The following ZNF500 variants were observed in gnomAD, a reference collection of about 807,000 sequenced individuals.
ZNF500 encodes the protein zinc finger protein 500.
A neutral mutation model predicts 30.1 loss-of-function variants in ZNF500; 31 were observed. That is an observed-to-expected ratio of 1.03 (90% confidence interval 0.77 to 1.39). The LOEUF (loss-of-function observed/expected upper bound fraction) is 1.39, where lower values mean the gene tolerates loss of function less well. Ranked by LOEUF, ZNF500 falls within the 40% of genes most tolerant of loss-of-function variation. The pLI is 0.00. For missense variants in ZNF500, 817 were observed against 657.8 expected (o/e 1.24, Z -2.65); for synonymous variants, 392 against 282.0 (o/e 1.39, Z -3.91).
rs753473144 is a variant in ZNF500, at chr16:4,765,558, C to A, written c.414+7G>T. 4.4e-6 allele frequency: 7 copies of A among 1,576,106 alleles called. No homozygotes were observed. The highest frequency in any genetic ancestry group is 2.6e-6 in the Non-Finnish European group (3 of 1,159,586). On this transcript the variant is annotated splice_region_variant and intron_variant, in intron 2 of 5. Transcript: ENST00000219478. ...CCTCACCTGAGGGTCAAAATGCCCC[C>A]ACTCACCCGCTGCCTGTGTTTCCTG...
At chr16:4,765,480 A>C in intron 2 of ZNF500, 85 bp downstream of exon 2, 1 of 1,503,734 alleles carries the variant, frequency 6.7e-7, no homozygotes, top group Non-Finnish European at 8.9e-7. Context: ...ACACTTGGTC[A>C]CCCAATGACC....
rs1272780766 is a variant in ZNF500, at chr16:4,752,043, T to C, written c.*333A>G. 1.6e-6 allele frequency: 2 copies of C among 1,272,852 alleles called. No homozygotes were observed. The highest frequency in any genetic ancestry group is 1.5e-5 in the African/African-American group (1 of 65,332). 78.8% of individuals were successfully genotyped at this position (1,272,852 alleles called of 1,614,324 possible). Reference sequence around the variant, plus strand: ...GCCACTGGATGCTGGAGGCAGCTGATGGACCCTCCCAGGCCCTTCAGGAGC... The same window carrying C: ...GCCACTGGATGCTGGAGGCAGCTGACGGACCCTCCCAGGCCCTTCAGGAGC... On this transcript the variant is annotated 3_prime_UTR_variant, in exon 6 of 6. Transcript: ENST00000219478.
intron 1 of ZNF500, 25 bp from the exon 2 acceptor site, chr16:4,766,101 T>C (rs58729822): frequency 0.27 from 327,191 of 1,220,058 alleles, 45,919 homozygotes; most frequent in Admixed American, 0.39. Flanking sequence ...TAAAACCATC[T>C]GAAGGGCAGC....
intron 1 of ZNF500, among the ~76,000 whole-genome samples, chr16:4,766,282 G>A (rs1366073419): frequency 1.3e-5 from 2 of 152,038 alleles, no homozygotes; most frequent in African/African-American, 2.4e-5. Context: ...TTCCTCACTG[G>A]GCAAACAGAG....
chr16:4,760,471 A>G (rs2082185352), intron 5 of ZNF500, 21 bp downstream of exon 5: 1 of 1,611,446 alleles, frequency 6.2e-7, no homozygotes, highest in Admixed American at 1.7e-5. Context: ...CCCCTAGAGG[A>G]CACAATCACT....
chr16:4,754,855 G>A (rs368588548), intron 5 of ZNF500, among the ~76,000 whole-genome samples: 1 of 152,092 alleles, frequency 6.6e-6, no homozygotes. Flanking sequence ...CTGGTGGGAG[G>A]TGAGTGGGTC....
chr16:4,747,630 C>T (rs747365334), downstream of ZNF500: 3 of 1,598,034 alleles, frequency 1.9e-6, no homozygotes, highest in African/African-American at 1.3e-5. Context: ...CTATAGCTGC[C>T]TCAGGTAGTG....
Position 4,760,516 on chromosome 16 carries a change from G to A in ZNF500, c.736C>T (p.Arg246Trp), listed in dbSNP as rs750035982. 1.1e-5 allele frequency: 18 copies of A among 1,613,400 alleles called. No homozygotes were observed. The highest frequency in any genetic ancestry group is 5.3e-5 in the African/African-American group (4 of 74,890). ...CCTTCATTCTCCAGCGGCGCGTCCC[G>A]CTGAGCTGGGTCCATGCATCTTGGC... is the stretch of plus-strand genomic sequence containing the variant. Reference protein sequence around the residue: ...EEPRCMDPAQRDAPLENEGPG... With the variant: ...EEPRCMDPAQWDAPLENEGPG... Residue 246 changes from arginine (R) to tryptophan (W), a missense_variant, in exon 5 of 6, where the codon CGG becomes TGG. By Grantham distance (101) the Arg-to-Trp change is moderately radical. Transcript: ENST00000219478.
chr16:4,759,214 CA>C (rs1182056296), intron 5 of ZNF500, among the ~76,000 whole-genome samples: 3,237 of 111,084 alleles, frequency 0.029, 42 homozygotes, highest in Non-Finnish European at 0.042. Flanking sequence ...GACTTCATCT[CA>C]AAAAAAAAAA....
rs1365856849 is a variant in ZNF500 at position 4,751,641 on chromosome 16, C to CAGA, written c.*732_*734dup. 2.0e-6 allele frequency: 3 copies of CAGA among 1,535,346 alleles called. No individual in the cohort carries two copies. The Admixed American group carries it at 5.9e-5, about 30-fold the overall frequency. ...GGGGTCCCTCAAATTCATGTGCACC[C>CAGA]AGACCTCAGAATGTGACCTTATTTG... On this transcript the variant is annotated 3_prime_UTR_variant, in exon 6 of 6. Transcript: ENST00000219478.
chr16:4,752,865 G>C lies in ZNF500; in HGVS notation c.954C>G (p.Ser318=). The change falls in exon 6 of 6, where the codon TCC becomes TCG. Residue 318 remains serine, a synonymous_variant. Coordinates refer to ENST00000219478, the MANE Select transcript of ZNF500 (RefSeq NM_021646.4). ...AGGTGTACGGCTTGTCAGCCCCATG[G>C]GAAGCCCGTCTTCCTGGTGGGGGGC... ...RGGPPPGRRA[S]HGADKPYTCP... The C allele has an allele frequency of 6.2e-7, 1 of 1,614,110 alleles. No homozygotes were observed. Among genetic ancestry groups the C allele is most frequent in the Non-Finnish European group, 8.5e-7 (1 of 1,180,034 alleles).
rs938061464 is a variant in ZNF500, at chr16:4,764,165, G to A, written c.414+1400C>T. ...CCTGTCTGTGCCATCCAGTACAGTA[G>A]CCACTGGCCATGTGTGACGACTGAG... On this transcript the variant is annotated intron_variant, in intron 2 of 5. Transcript: ENST00000219478. 1.2e-5 allele frequency: 10 copies of A among 857,516 alleles called. No homozygotes were observed. The Admixed American group carries it at 2.5e-4, about 21-fold the overall frequency. The allele number at this position is 857,516 out of a possible 1,614,324, so 53.1% of individuals were successfully genotyped here.
In ZNF500 at chr16:4,760,589, C is replaced by T; in HGVS notation, c.664-1G>A. On this transcript the variant is annotated splice_acceptor_variant, in intron 4 of 5. Transcript: ENST00000219478. LOFTEE classifies it high-confidence loss of function. Reference sequence around the variant, plus strand: ...CCACGTCCTCCAAGTTCACGGGCACCTGCCAGAACGCACCCCACTCAGTCC... The same window carrying T: ...CCACGTCCTCCAAGTTCACGGGCACTTGCCAGAACGCACCCCACTCAGTCC... 1 of 1,613,186 alleles carries T rather than the reference C, an allele frequency of 6.2e-7. No homozygotes were observed. Among genetic ancestry groups the T allele is most frequent in the Non-Finnish European group, 8.5e-7 (1 of 1,179,560 alleles).
rs552807959 is a variant in ZNF500 at position 4,762,300 on chromosome 16, C to G, written c.634G>C (p.Ala212Pro). 6.2e-7 allele frequency: 1 copy of G among 1,611,122 alleles called. No individual in the cohort carries two copies. The highest frequency in any genetic ancestry group is 2.2e-5 in the East Asian group (1 of 44,726). Residue 212 changes from alanine (A) to proline (P), a missense_variant, in exon 4 of 6, where the codon GCC (alanine) becomes CCC (proline). Ala to Pro is a conservative substitution (Grantham distance 27). Transcript: ENST00000219478. The part of the protein sequence containing the change: ...PAPRHQEMAS[A>P]SPFLSAWSQV... ...GACCAGGCCGAAAGGAAGGGCGAGG[C>G]TGACGCCATCTCCTGATGCCGGGGA...
At chr16:4,745,090 A>G (rs2081997397), downstream of ZNF500, 1 of 1,512,936 alleles carries the variant, frequency 6.6e-7, no homozygotes, top group Admixed American at 1.8e-5. Flanking sequence ...TGGGCCTACC[A>G]AGGGCGGGGC....
chr16:4,746,292 G>GCTGCCTGGACAAACC (rs2082016727), downstream of ZNF500: 1 of 1,420,518 alleles, frequency 7.0e-7, no homozygotes, highest in Non-Finnish European at 9.6e-7. Flanking sequence ...GCAGCCACGA[G>GCTGCCTGGACAAACC]CACTGTGACT....
At chr16:4,748,122 A>G (rs1173086725), downstream of ZNF500, 2 of 154,192 alleles carry the variant, frequency 1.3e-5, no homozygotes, top group East Asian at 3.8e-4. Context: ...CACACGACAC[A>G]CACATGCCTA....
At chr16:4,745,868 C>A (rs1405021493), downstream of ZNF500, among the ~76,000 whole-genome samples, 1 of 150,766 alleles carries the variant, frequency 6.6e-6, no homozygotes, top group African/African-American at 2.4e-5. Flanking sequence ...CAGGAGAAAT[C>A]TCTTGAACCC....
At chr16:4,760,624 G>A in intron 4 of ZNF500, 36 bp from the exon 5 acceptor site, 1 of 1,588,394 alleles carries the variant, frequency 6.3e-7, no homozygotes, top group African/African-American at 1.3e-5. Context: ...CTGGCCCCAA[G>A]CAAGCTGCCT....
Sources: gnomAD v4.1 joint callset for allele counts (sites outside exome capture counted in the v4.1 genomes callset) on GRCh38, gnomAD v4.1.1 for gene constraint, MANE v1.5 for transcripts, NCBI Gene and HGNC (gene_info 2026-07-23, HGNC 2026-07-21) for gene names.